The following CFAP54 variants were observed in gnomAD, a reference collection of about 807,000 sequenced individuals.
The protein encoded by CFAP54 is cilia- and flagella-associated protein 54.
A neutral mutation model predicts 370.4 loss-of-function variants in CFAP54; 290 were observed. The observed-to-expected ratio is 0.78, with a 90% CI of 0.71 to 0.86. The LOEUF (loss-of-function observed/expected upper bound fraction) is 0.86. Among genes scored for constraint, CFAP54 ranks in the 40% least tolerant of loss-of-function variants. The probability of loss-of-function intolerance (pLI) is 0.00; values close to 1 mark genes in which losing one functional copy is unlikely to be tolerated. For synonymous variants in CFAP54, 1,206 were observed against 1,236.5 expected, an observed-to-expected ratio of 0.98 and a Z score of 0.52; for missense variants, 3,399 against 3,528.7, an observed-to-expected ratio of 0.96 and a Z score of 0.93.
At chr12:96,547,771 C>T in intron 14 of CFAP54, 131 bp from the exon 15 acceptor site, 1 of 399,048 alleles carries the variant, frequency 2.5e-6, no homozygotes, top group Non-Finnish European at 4.4e-6. Flanking sequence ...TTCTCTGGTC[C>T]TTCCTTCTTC....
At chr12:96,574,884 A>T (rs988130018) in intron 19 of CFAP54, among the ~76,000 whole-genome samples, 1 of 151,942 alleles carries the variant, frequency 6.6e-6, no homozygotes, top group African/African-American at 2.4e-5. Flanking sequence ...GTTTTATAAC[A>T]TTATTTGAGA....
rs778170767 is a variant in CFAP54, at chr12:96,503,948, T to G, written c.486T>G (p.Phe162Leu). 3 of 1,528,886 alleles carry G rather than the reference T, an allele frequency of 2.0e-6. No homozygotes were observed. The highest frequency in any genetic ancestry group is 2.6e-6 in the Non-Finnish European group (3 of 1,144,360). The allele number at this position is 1,528,886 out of a possible 1,614,324, so 94.7% of individuals were successfully genotyped here. ...ATCTTCAGCAGTTCAATACCAATTT[T>G]GATGAGAATAAAGTGGATGTAACTC... ...GRYLQQFNTN[F>L]DENKVDVTQF... Residue 162 changes from phenylalanine (F) to leucine (L), a missense_variant, in exon 3 of 68, where the codon TTT becomes TTG. By Grantham distance (22) the Phe-to-Leu change is conservative (BLOSUM62 0). Transcript: ENST00000524981.
At chr12:96,819,738 A>T (rs1389333988) in intron 65 of CFAP54, among the ~76,000 whole-genome samples, 1 of 152,108 alleles carries the variant, frequency 6.6e-6, no homozygotes, top group Non-Finnish European at 1.5e-5. Context: ...ATATTTTCTC[A>T]GTCATTACAT....
chr12:96,689,821 T>G (rs568031196), intron 43 of CFAP54, among the ~76,000 whole-genome samples: 1 of 152,312 alleles, frequency 6.6e-6, no homozygotes, highest in East Asian at 1.9e-4. Flanking sequence ...TGTAATCTAC[T>G]GAAGGTTCTA....
At chr12:96,629,703 G>A (rs2136474400) in intron 30 of CFAP54, among the ~76,000 whole-genome samples, 1 of 152,214 alleles carries the variant, frequency 6.6e-6, no homozygotes, top group South Asian at 2.1e-4. Flanking sequence ...ATTATAAACA[G>A]TGCTGCAAAG....
intron 67 of CFAP54, among the ~76,000 whole-genome samples, chr12:96,871,368 A>T (rs974622291): frequency 2.6e-5 from 4 of 152,214 alleles, no homozygotes; most frequent in Non-Finnish European, 5.9e-5. Context: ...AGAACCAAGG[A>T]CTACAAATGA....
intron 26 of CFAP54, among the ~76,000 whole-genome samples, chr12:96,612,835 T>C (rs1956374013): frequency 6.6e-6 from 1 of 152,234 alleles, no homozygotes. Context: ...CCTAAATATA[T>C]ATGCACCCAA....
chr12:96,541,097 C>A (rs1955564030), intron 14 of CFAP54, 110 bp downstream of exon 14: 2 of 561,050 alleles, frequency 3.6e-6, no homozygotes, highest in Non-Finnish European at 5.5e-6. Context: ...CAATATTATG[C>A]TTCATTGAGG....
chr12:96,615,505 G>T (rs1371225918), intron 26 of CFAP54, among the ~76,000 whole-genome samples: 2 of 152,098 alleles, frequency 1.3e-5, no homozygotes, highest in Non-Finnish European at 2.9e-5. Context: ...AGCCAAAATT[G>T]ACAAATGGGA....
chr12:96,624,274 A>G (rs533901148), intron 28 of CFAP54, among the ~76,000 whole-genome samples: 16 of 152,044 alleles, frequency 1.1e-4, no homozygotes, highest in African/African-American at 3.1e-4. Flanking sequence ...ACAGCACACC[A>G]CCCCCTAGTT....
chr12:96,679,364 T>C (rs889561893), intron 39 of CFAP54, among the ~76,000 whole-genome samples: 1 of 151,966 alleles, frequency 6.6e-6, no homozygotes, highest in African/African-American at 2.4e-5. Context: ...GTTATTTGCA[T>C]TTCATAAGAA....
rs901573659 is a variant in CFAP54 at position 96,618,150 on chromosome 12, A to G, written c.3640-3440A>G. 5.9e-5 allele frequency among the ~76,000 whole-genome samples: 9 copies of G among 152,148 alleles called. No individual in the cohort carries two copies. In the South Asian group the frequency reaches 1.2e-3, roughly 21 times the overall value. ...TGAACACAACTACTTACGTTTAAGT[A>G]ACTAACAGGGGCTACTGCAATGTCT... On this transcript the variant is annotated intron_variant, in intron 26 of 67. Transcript: ENST00000524981.
rs1412302825 is a variant in CFAP54 at position 96,626,810 on chromosome 12, C to T, written c.3977-3C>T. Reference sequence around the variant, plus strand: ...CTATATATGAACTTCCTTGTTATTACAGTTATGAAATTTAAGCAAAAACCA... The same window carrying T: ...CTATATATGAACTTCCTTGTTATTATAGTTATGAAATTTAAGCAAAAACCA... On this transcript the variant is annotated splice_region_variant and splice_polypyrimidine_tract_variant and intron_variant, in intron 29 of 67. Coordinates refer to ENST00000524981, the MANE Select transcript of CFAP54 (RefSeq NM_001306084.2). The T allele has an allele frequency of 7.5e-7, 1 of 1,332,792 alleles. No individual in the cohort carries two copies. The highest frequency in any genetic ancestry group is 2.6e-5 in the East Asian group (1 of 38,828). 82.6% of individuals were successfully genotyped at this position (1,332,792 alleles called of 1,614,324 possible).
intron 50 of CFAP54, among the ~76,000 whole-genome samples, chr12:96,724,909 C>T (rs1303962482): frequency 2.0e-5 from 3 of 152,246 alleles, no homozygotes; most frequent in East Asian, 3.9e-4. Context: ...GCCATTTTTC[C>T]CAGCACCATT....
At chr12:96,858,680 T>C (rs1310012074) in intron 66 of CFAP54, among the ~76,000 whole-genome samples, 2 of 152,168 alleles carry the variant, frequency 1.3e-5, no homozygotes, top group African/African-American at 4.8e-5. Flanking sequence ...GGAATACAGC[T>C]AATCATGGAG....
chr12:96,611,555 G>A (rs1956358748), intron 26 of CFAP54, among the ~76,000 whole-genome samples: 1 of 152,258 alleles, frequency 6.6e-6, no homozygotes, highest in South Asian at 2.1e-4. Flanking sequence ...TTGACGAGTT[G>A]AGAGAAGAAG....
At chr12:96,796,071 G>T (rs571768486) in intron 63 of CFAP54, among the ~76,000 whole-genome samples, 101 of 152,302 alleles carry the variant, frequency 6.6e-4, no homozygotes, top group African/African-American at 2.4e-3. Flanking sequence ...AGATTCCCCA[G>T]TGAGGATGTT....
chr12:96,577,345 T>C (rs1256123384), intron 20 of CFAP54, among the ~76,000 whole-genome samples: 1 of 152,268 alleles, frequency 6.6e-6, no homozygotes, highest in African/African-American at 2.4e-5. Context: ...TTGGCCTATA[T>C]GTGACTAAAA....
At chr12:96,560,215 C>G (rs1479694653) in intron 17 of CFAP54, among the ~76,000 whole-genome samples, 1 of 152,102 alleles carries the variant, frequency 6.6e-6, no homozygotes, top group Non-Finnish European at 1.5e-5. Flanking sequence ...AACACTGGAA[C>G]TTTTTTCTTC....
Sources: allele counts gnomAD v4.1 joint callset (sites outside exome capture counted in the v4.1 genomes callset), GRCh38; gene constraint gnomAD v4.1.1; transcripts MANE v1.5; gene names NCBI Gene and HGNC (gene_info 2026-07-23, HGNC 2026-07-21).